The following RNF130 variants were observed in gnomAD, a reference collection of about 807,000 sequenced individuals.
RNF130 encodes the protein ring finger protein 130.
Under a neutral mutation model 44.6 loss-of-function variants are expected in RNF130, and 21 were observed. That is an observed-to-expected ratio of 0.47 (90% CI 0.33 to 0.68). The LOEUF (loss-of-function observed/expected upper bound fraction) is 0.68, where lower values mean the gene tolerates loss of function less well. RNF130 is among the 30% of genes least tolerant of loss of function. RNF130 has a pLI of 0.02. For synonymous variants in RNF130, 214 were observed against 210.4 expected, an observed-to-expected ratio of 1.02 and a Z score of -0.15; for missense variants, 479 against 560.6, an observed-to-expected ratio of 0.85 and a Z score of 1.47.
intron 1 of RNF130, among the ~76,000 whole-genome samples, chr5:180,066,049 G>A (rs943758256): frequency 6.6e-6 from 1 of 152,152 alleles, no homozygotes; most frequent in Non-Finnish European, 1.5e-5. Context: ...TTTCACTGCT[G>A]CATAATATGT....
chr5:179,949,904 C>T (rs759186500), intron 7 of RNF130, among the ~76,000 whole-genome samples: 5 of 152,166 alleles, frequency 3.3e-5, no homozygotes, highest in Admixed American at 6.5e-5. Context: ...ACTAGCCTCA[C>T]GTGGAAAATG....
intron 4 of RNF130, among the ~76,000 whole-genome samples, chr5:179,979,869 C>T (rs557338698): frequency 6.6e-6 from 1 of 152,308 alleles, no homozygotes; most frequent in East Asian, 1.9e-4. Context: ...GAAGAAAACA[C>T]ATCTCCTGGC....
At chr5:180,054,110 G>A (rs754066173) in intron 1 of RNF130, among the ~76,000 whole-genome samples, 15 of 151,924 alleles carry the variant, frequency 9.9e-5, no homozygotes, top group Non-Finnish European at 2.1e-4. Flanking sequence ...CCCTGCGCCC[G>A]GCCAGCAAAT....
intron 3 of RNF130, among the ~76,000 whole-genome samples, chr5:179,996,293 G>A (rs1763195202): frequency 6.6e-6 from 1 of 152,144 alleles, no homozygotes; most frequent in Non-Finnish European, 1.5e-5. Context: ...ACTGATTTCT[G>A]TATGTTAATT....
In RNF130 at chr5:179,997,069, T is replaced by C. The variant is rs145059048; in HGVS notation, c.693+15992A>G. Among the ~76,000 whole-genome samples, 74 of 152,322 alleles carry C rather than the reference T, an allele frequency of 4.9e-4. No homozygotes were observed. In the East Asian group the frequency reaches 8.5e-3, roughly 17 times the overall value. On this transcript the variant is annotated intron_variant, in intron 3 of 8. Coordinates refer to ENST00000521389, the MANE Select transcript of RNF130 (RefSeq NM_018434.6). Reference sequence around the variant, plus strand: ...GGTATATGTGTCTGGGAAAATTTACTAGTGGTTGTCAATTTTATTTTTTCA... The same window carrying C: ...GGTATATGTGTCTGGGAAAATTTACCAGTGGTTGTCAATTTTATTTTTTCA...
chr5:179,974,842 C>T (rs544806257), intron 5 of RNF130, among the ~76,000 whole-genome samples: 22 of 152,336 alleles, frequency 1.4e-4, no homozygotes, highest in Non-Finnish European at 2.4e-4. Flanking sequence ...CACGCAGCGG[C>T]GCGGGGAGGA....
chr5:179,983,004 T>A (rs1762871960), intron 3 of RNF130, among the ~76,000 whole-genome samples: 1 of 152,258 alleles, frequency 6.6e-6, no homozygotes, highest in Non-Finnish European at 1.5e-5. Context: ...TGCCTATATG[T>A]GTACATTGTC....
intron 2 of RNF130, among the ~76,000 whole-genome samples, chr5:180,020,473 G>T (rs1481317089): frequency 6.6e-6 from 1 of 152,172 alleles, no homozygotes; most frequent in Admixed American, 6.5e-5. Context: ...TTTTGCAAAT[G>T]CTTGAACCTG....
chr5:179,980,019 A>C (rs1372962581), intron 4 of RNF130, 110 bp downstream of exon 4: 2 of 868,528 alleles, frequency 2.3e-6, no homozygotes, highest in Non-Finnish European at 3.8e-6. Flanking sequence ...GTGTAGTTGG[A>C]GAAAATCTAA....
At chr5:180,049,504 C>G (rs1191644792) in intron 1 of RNF130, among the ~76,000 whole-genome samples, 1 of 152,190 alleles carries the variant, frequency 6.6e-6, no homozygotes, top group Non-Finnish European at 1.5e-5. Flanking sequence ...CTGCAAAATA[C>G]TGATAAGGTG....
At position 179,943,462 on chromosome 5, in the gene RNF130, G is replaced by T. The variant is rs146843282; in HGVS notation, c.1151-23036C>A. ...TTTTTTACTATTTAAACTGTAATCAGTTTTACTATTTTTATTTTTTGCCAT... is the reference window on the plus strand; with the variant it reads ...TTTTTTACTATTTAAACTGTAATCATTTTTACTATTTTTATTTTTTGCCAT... On this transcript the variant is annotated intron_variant, in intron 7 of 7. Coordinates refer to the RNF130 transcript ENST00000522208. 1.4e-4 allele frequency among the ~76,000 whole-genome samples: 22 copies of T among 152,250 alleles called. No homozygotes were observed. In the East Asian group the frequency reaches 3.9e-3, roughly 27 times the overall value.
At chr5:179,928,095 G>A (rs1035867404) in intron 7 of RNF130, among the ~76,000 whole-genome samples, 2 of 152,136 alleles carry the variant, frequency 1.3e-5, no homozygotes, top group African/African-American at 4.8e-5. Context: ...AATCTTTACG[G>A]ACAGGCATTT....
At chr5:179,987,415 T>C (rs929881372) in intron 3 of RNF130, among the ~76,000 whole-genome samples, 10 of 152,222 alleles carry the variant, frequency 6.6e-5, no homozygotes, top group Admixed American at 1.3e-4. Flanking sequence ...GTGATCCGCC[T>C]ACCTTGGTCT....
intron 1 of RNF130, among the ~76,000 whole-genome samples, chr5:180,047,606 G>A (rs532696457): frequency 5.9e-5 from 9 of 152,204 alleles, no homozygotes; most frequent in East Asian, 1.9e-4. Context: ...TTAGCTTGGC[G>A]TGGTGTGTAG....
downstream of RNF130, among the ~76,000 whole-genome samples, chr5:179,951,407 G>A (rs1043655239): frequency 3.4e-5 from 5 of 146,936 alleles, 1 homozygote; most frequent in Admixed American, 2.7e-4. Flanking sequence ...TTTTTGAGAT[G>A]GAGTCTCGCT....
intron 7 of RNF130, among the ~76,000 whole-genome samples, chr5:179,926,194 C>A (rs775243137): frequency 1.2e-4 from 19 of 152,186 alleles, no homozygotes; most frequent in Non-Finnish European, 2.5e-4. Flanking sequence ...ACTACGTAAA[C>A]TCCAGTCATA....
rs145064120 is a variant in RNF130, at chr5:180,046,351, C to T, written c.248-5704G>A. 7.4e-3 allele frequency among the ~76,000 whole-genome samples: 1,125 copies of T among 152,282 alleles called. 16 individuals are homozygous for T. The highest frequency in any genetic ancestry group is 0.026 in the African/African-American group (1,069 of 41,550). On this transcript the variant is annotated intron_variant, in intron 1 of 8. Coordinates refer to ENST00000521389, the MANE Select transcript of RNF130 (RefSeq NM_018434.6). The stretch of plus-strand genomic sequence containing the variant: ...CAGAGCAGACACCAAGGCGAGGAGG[C>T]ACCGAGAGCGAGCAGGGGCTGCTAG...
chr5:179,994,835 C>T (rs1483094349), intron 3 of RNF130, among the ~76,000 whole-genome samples: 2 of 152,160 alleles, frequency 1.3e-5, no homozygotes, highest in Non-Finnish European at 2.9e-5. Flanking sequence ...CAGGTCACAG[C>T]TGGCTACAGT....
intron 1 of RNF130, among the ~76,000 whole-genome samples, chr5:180,061,918 T>C (rs1764994828): frequency 6.6e-6 from 1 of 152,180 alleles, no homozygotes; most frequent in Non-Finnish European, 1.5e-5. Flanking sequence ...TTTCACATAG[T>C]TCTGTAGGCT....
Sources: allele counts gnomAD v4.1 joint callset (sites outside exome capture counted in the v4.1 genomes callset), GRCh38; gene constraint gnomAD v4.1.1; transcripts MANE v1.5; gene names NCBI Gene and HGNC (gene_info 2026-07-23, HGNC 2026-07-21).